Variants in PLEKHB1 observed in about 807,000 individuals in gnomAD.
PLEKHB1 encodes the protein pleckstrin homology domain-containing family B member 1.
Under a neutral mutation model 36.2 loss-of-function variants are expected in PLEKHB1, and 29 were observed. The ratio of observed to expected loss-of-function variants is 0.80; its 90% CI spans 0.60 to 1.09. The LOEUF (loss-of-function observed/expected upper bound fraction) is 1.09, where lower values mean the gene tolerates loss of function less well. Ranked by LOEUF, PLEKHB1 falls within the 50% of genes least tolerant of loss-of-function variation. The probability of loss-of-function intolerance (pLI) is 0.00; values close to 1 mark genes in which losing one functional copy is unlikely to be tolerated. For synonymous variants in PLEKHB1, 138 were observed against 140.0 expected, an observed-to-expected ratio of 0.99 and a Z score of 0.10; for missense variants, 330 against 348.2, an observed-to-expected ratio of 0.95 and a Z score of 0.42.
At chr11:73,650,488 C>T (rs1354130001) in intron 2 of PLEKHB1, 65 bp from the exon 3 acceptor site, 1 of 1,507,824 alleles carries the variant, frequency 6.6e-7, no homozygotes, top group Non-Finnish European at 8.9e-7. Context: ...GGGAGTCTGT[C>T]TGGGGCTTCT....
chr11:73,649,533 C>T (rs920805031), intron 2 of PLEKHB1, among the ~76,000 whole-genome samples: 1 of 152,206 alleles, frequency 6.6e-6, no homozygotes, highest in African/African-American at 2.4e-5. Context: ...AGTCCCCCAA[C>T]CCCGGGCTGG....
chr11:73,656,311 G>A (rs12295455), intron 6 of PLEKHB1, among the ~76,000 whole-genome samples: 4,950 of 152,202 alleles, frequency 0.033, 240 homozygotes, highest in African/African-American at 0.11. Context: ...GTTTATTCCT[G>A]TCTGTGTAGT....
At chr11:73,660,216 A>G (rs1232179260) in intron 6 of PLEKHB1, 1 of 156,810 alleles carries the variant, frequency 6.4e-6, no homozygotes, top group Non-Finnish European at 1.4e-5. Context: ...TTGTAAGTAC[A>G]CTCTATGATA....
At position 73,661,396 on chromosome 11, in the gene PLEKHB1, C is replaced by G; in HGVS notation, c.596-70C>G. 5 of 1,555,318 alleles carry G rather than the reference C, an allele frequency of 3.2e-6. No individual in the cohort carries two copies. Among genetic ancestry groups the G allele is most frequent in the Non-Finnish European group, 4.4e-6 (5 of 1,130,644 alleles). On this transcript the variant is annotated intron_variant, in intron 7 of 7. Transcript: ENST00000354190. The surrounding 1 kb of genome is among the most constrained non-coding windows in gnomAD (Gnocchi z 4.6). ...TACACTGGGTTGGGCTGGAGTGATG[C>G]AGGAAGGGTACGAAGATCACTCTAC...
intron 6 of PLEKHB1, among the ~76,000 whole-genome samples, chr11:73,657,769 C>T (rs1217578527): frequency 6.6e-6 from 1 of 152,206 alleles, no homozygotes; most frequent in Non-Finnish European, 1.5e-5. Context: ...TAGATCCCTC[C>T]AACCCCTTTT....
At chr11:73,656,431 G>A (rs541606590) in intron 6 of PLEKHB1, among the ~76,000 whole-genome samples, 2 of 152,228 alleles carry the variant, frequency 1.3e-5, no homozygotes, top group African/African-American at 2.4e-5. Flanking sequence ...ATTAGTGCTC[G>A]ATGATGGGGA....
At chr11:73,651,689 C>G (rs763491801) in intron 3 of PLEKHB1, 99 bp from the exon 4 acceptor site, 7 of 932,816 alleles carry the variant, frequency 7.5e-6, no homozygotes, top group Non-Finnish European at 1.0e-5. Flanking sequence ...GGCCAGTAAA[C>G]AGAGCCCAGA....
At position 73,649,056 on chromosome 11, in the gene PLEKHB1, C is replaced by T; in HGVS notation, c.63C>T (p.Ala21=). 6.2e-7 allele frequency: 1 copy of T among 1,602,006 alleles called. No individual in the cohort carries two copies. The highest frequency in any genetic ancestry group is 1.1e-5 in the South Asian group (1 of 88,456). The stretch of plus-strand genomic sequence containing the variant: ...TGGAAAGTCCTTTTGAAGAAATGGC[C>T]CTGGTGAGGGGCGGCTGGCTGTGGA... ...SALESPFEEM[A]LVRGGWLWRQ... is the part of the protein sequence containing the mutation. Residue 21 remains alanine, a synonymous_variant, in exon 2 of 8, where the codon GCC becomes GCT. Coordinates refer to ENST00000354190, the MANE Select transcript of PLEKHB1 (RefSeq NM_021200.3).
At chr11:73,660,505 G>T in intron 6 of PLEKHB1, 1 of 531,122 alleles carries the variant, frequency 1.9e-6, no homozygotes, top group Non-Finnish European at 3.4e-6. Context: ...TTTTGAGCTA[G>T]GTGGGAGGCC....
intron 3 of PLEKHB1, chr11:73,651,277 A>C (rs964480023): frequency 8.0e-6 from 3 of 374,584 alleles, no homozygotes; most frequent in African/African-American, 6.5e-5. Flanking sequence ...GGATTGCTTG[A>C]GCCTGGGAGG....
intron 1 of PLEKHB1, chr11:73,648,075 G>A: frequency 1.4e-6 from 1 of 739,560 alleles, no homozygotes; most frequent in Middle Eastern, 7.0e-4. Flanking sequence ...AACAGGGTTA[G>A]AGTGGGGACA....
intron 1 of PLEKHB1, 184 bp from the exon 2 acceptor site, chr11:73,648,828 A>G: frequency 3.0e-6 from 4 of 1,346,996 alleles, no homozygotes; most frequent in Non-Finnish European, 2.9e-6. Flanking sequence ...TGCTGACCCC[A>G]CAGTGACAGT....
intron 5 of PLEKHB1, chr11:73,653,341 A>T (rs1428355582): frequency 1.7e-6 from 1 of 590,272 alleles, no homozygotes; most frequent in Non-Finnish European, 3.2e-6. Flanking sequence ...CAGTCCTGTG[A>T]AGTTGGGGTT....
At chr11:73,660,657 C>G in intron 6 of PLEKHB1, 96 bp from the exon 7 acceptor site, 3 of 1,195,274 alleles carry the variant, frequency 2.5e-6, no homozygotes, top group Non-Finnish European at 2.4e-6. Context: ...GGAGGTGGCT[C>G]CATGGATCCC....
At chr11:73,660,689 G>A in intron 6 of PLEKHB1, 64 bp from the exon 7 acceptor site, 1 of 1,478,338 alleles carries the variant, frequency 6.8e-7, no homozygotes, top group Non-Finnish European at 9.2e-7. Flanking sequence ...TGCCAGGCGT[G>A]GGGGTAGGGG....
At position 73,651,745 on chromosome 11, in the gene PLEKHB1, G is replaced by A. The variant is rs755818250; in HGVS notation, c.248-43G>A. 3 of 1,520,206 alleles carry A rather than the reference G, an allele frequency of 2.0e-6. No individual in the cohort carries two copies. In the South Asian group the frequency reaches 3.5e-5, roughly 18 times the overall value. The allele number at this position is 1,520,206 out of a possible 1,614,324, so 94.2% of individuals were successfully genotyped here. A position where few individuals can be genotyped will look rare whatever the true frequency, so the allele number is the denominator to read the frequency against. ...TCCCTGCTTTACTGGGGGGACCTGG[G>A]GCTTGTGCCTGTGGAAACCCATATA... On this transcript the variant is annotated intron_variant, in intron 3 of 7. Transcript: ENST00000354190.
At chr11:73,651,939 C>T (rs1944906853) in intron 4 of PLEKHB1, 49 bp downstream of exon 4, 4 of 1,530,678 alleles carry the variant, frequency 2.6e-6, no homozygotes, top group Non-Finnish European at 3.6e-6. Context: ...GGAAAGTTAC[C>T]ATGTGCCCCC....
rs1200544820 is a variant in PLEKHB1 at position 73,661,702 on chromosome 11, C to A, written c.*100C>A. Reference sequence around the variant, plus strand: ...CATCCAAGCCCTGTCCCACTTTGGCCCTATCCTCTCCATTAGCTCCTTCCG... The same window carrying A: ...CATCCAAGCCCTGTCCCACTTTGGCACTATCCTCTCCATTAGCTCCTTCCG... On this transcript the variant is annotated 3_prime_UTR_variant, in exon 8 of 8. Transcript: ENST00000354190. This position sits in a 1 kb window ranked among gnomAD's most constrained non-coding sequence, Gnocchi z 4.6. 2.8e-6 allele frequency: 4 copies of A among 1,411,256 alleles called. No individual in the cohort carries two copies. Among genetic ancestry groups the A allele is most frequent in the Non-Finnish European group, 3.8e-6 (4 of 1,056,468 alleles). 87.4% of individuals were successfully genotyped at this position (1,411,256 alleles called of 1,614,324 possible).
At chr11:73,651,085 GGCT>G (rs1396380281) in intron 3 of PLEKHB1, among the ~76,000 whole-genome samples, 1 of 151,816 alleles carries the variant, frequency 6.6e-6, no homozygotes, top group Admixed American at 6.6e-5. Flanking sequence ...AGGAATTCAA[GGCT>G]GCAGTAAGCT....
Sources: gnomAD v4.1 joint callset for allele counts (sites outside exome capture counted in the v4.1 genomes callset) on GRCh38, gnomAD v4.1.1 for gene constraint, Gnocchi (gnomAD v3.1) non-coding constraint, MANE v1.5 for transcripts, NCBI Gene and HGNC (gene_info 2026-07-23, HGNC 2026-07-21) for gene names.